Variants in RGS11 observed in about 807,000 individuals in gnomAD.
RGS11 encodes regulator of G protein signaling 11.
RGS11 carries 86 observed loss-of-function variants against 71.1 expected under a neutral mutation model. That is an observed-to-expected ratio of 1.21 (90% confidence interval 1.02 to 1.45). The LOEUF is 1.45. Ranked by LOEUF, RGS11 falls within the 40% of genes most tolerant of loss-of-function variation. The pLI is 0.00. For missense variants in RGS11, 734 were observed against 635.1 expected, an observed-to-expected ratio of 1.16 and a Z score of -1.67; for synonymous variants, 298 against 254.2, an observed-to-expected ratio of 1.17 and a Z score of -1.64.
chr16:273,745 A>G lies in RGS11; in HGVS notation c.506+15T>C, dbSNP rs746549134. Reference sequence around the variant, plus strand: ...TGGGCGCCTGCAGGCGGGGCGGGGCAGGGCGGGGCCTCACCTCAGCTGCTC... The same window carrying G: ...TGGGCGCCTGCAGGCGGGGCGGGGCGGGGCGGGGCCTCACCTCAGCTGCTC... On this transcript the variant is annotated intron_variant, in intron 7 of 16. Transcript: ENST00000397770. 1.6e-5 allele frequency: 26 copies of G among 1,601,798 alleles called. No homozygotes were observed. In the Middle Eastern group the frequency reaches 5.2e-4, roughly 32 times the overall value.
Position 269,257 on chromosome 16 carries a change from G to C in RGS11, c.*12C>G. 3 of 1,525,198 alleles carry C rather than the reference G, an allele frequency of 2.0e-6. No homozygotes were observed. Among genetic ancestry groups the C allele is most frequent in the Non-Finnish European group, 2.7e-6 (3 of 1,121,718 alleles). The allele number at this position is 1,525,198 out of a possible 1,614,324, so 94.5% of individuals were successfully genotyped here. On this transcript the variant is annotated 3_prime_UTR_variant, in exon 17 of 17. Transcript: ENST00000397770. ...AGCTGCAGGGACTAGAGTGGCAGAT[G>C]GGCCAGGTCCACTAGGCCACCCCAT...
In RGS11 at chr16:273,525, G is replaced by A; in HGVS notation, c.538C>T (p.Leu180=). The A allele has an allele frequency of 3.8e-6, 6 of 1,559,338 alleles. No individual in the cohort carries two copies. Among genetic ancestry groups the A allele is most frequent in the Non-Finnish European group, 5.2e-6 (6 of 1,151,796 alleles). ...GTCTGCTCCTGGCACGCAATGACCA[G>A]CCTGTCCCCCTTGCTGCGCTGCTTG... ...AAKQRSKGDR[L]VIACQEQTYW... is the part of the protein sequence containing the mutation. Residue 180 remains leucine, a synonymous_variant, in exon 8 of 17, where the codon CTG becomes TTG. Coordinates refer to ENST00000397770, the MANE Select transcript of RGS11 (RefSeq NM_183337.3).
chr16:275,884 C>CG lies in RGS11; in HGVS notation c.27dup (p.Gly10ArgfsTer84). 12 of 950,274 alleles carry CG rather than the reference C, an allele frequency of 1.3e-5. No individual in the cohort carries two copies. Among genetic ancestry groups the CG allele is most frequent in the African/African-American group, 3.6e-5 (2 of 55,898 alleles). 58.9% of individuals were successfully genotyped at this position (950,274 alleles called of 1,614,324 possible). A position where few individuals can be genotyped will look rare whatever the true frequency, so the allele number is the denominator to read the frequency against. ...TGCGGCATCTGCGCCCGGGGGCGGC[C>CG]GGGGGGCGGCGCGGGGCCGGCGGCC... On this transcript the variant is annotated frameshift_variant, in exon 1 of 17. Coordinates refer to ENST00000397770, the MANE Select transcript of RGS11 (RefSeq NM_183337.3). LOFTEE classifies it high-confidence loss of function.
In RGS11 at chr16:273,783, C is replaced by T; in HGVS notation, c.483G>A (p.Leu161=). 1 of 1,613,122 alleles carries T rather than the reference C, an allele frequency of 6.2e-7. No individual in the cohort carries two copies. The highest frequency in any genetic ancestry group is 8.5e-7 in the Non-Finnish European group (1 of 1,179,996). ...KKINHAWDLV[L]MQAREQLRAA... is the part of the protein sequence containing the mutation. Reference sequence around the variant, plus strand: ...ACCTCAGCTGCTCCCTCGCCTGCATCAGCACCAGGTCCCATGCGTGGTTGA... The same window carrying T: ...ACCTCAGCTGCTCCCTCGCCTGCATTAGCACCAGGTCCCATGCGTGGTTGA... The change falls in exon 7 of 17, where the codon CTG becomes CTA. Residue 161 remains leucine (L), a synonymous_variant. Coordinates refer to ENST00000397770, the MANE Select transcript of RGS11 (RefSeq NM_183337.3).
chr16:273,031 C>T (rs999679433), intron 8 of RGS11, 100 bp from the exon 9 acceptor site: 3 of 1,121,380 alleles, frequency 2.7e-6, no homozygotes, highest in African/African-American at 3.1e-5. Flanking sequence ...GAAACTGACA[C>T]TCAAAGGAAC....
chr16:268,912 T>A lies in RGS11; in HGVS notation c.*357A>T, dbSNP rs1390602386. 1 of 1,550,446 alleles carries A rather than the reference T, an allele frequency of 6.4e-7. No individual in the cohort carries two copies. The highest frequency in any genetic ancestry group is 2.0e-5 in the Admixed American group (1 of 50,984). On this transcript the variant is annotated 3_prime_UTR_variant, in exon 17 of 17. Coordinates refer to ENST00000397770, the MANE Select transcript of RGS11 (RefSeq NM_183337.3). Reference sequence around the variant, plus strand: ...TGCTTCCGGGTATTCGCTGGCTGATTTACTGGTTTTAGAGATGGGGATGGG... The same window carrying A: ...TGCTTCCGGGTATTCGCTGGCTGATATACTGGTTTTAGAGATGGGGATGGG...
chr16:273,131 G>C (rs2052010361), intron 8 of RGS11, among the ~76,000 whole-genome samples, 200 bp from the exon 9 acceptor site: 1 of 152,112 alleles, frequency 6.6e-6, no homozygotes, highest in Non-Finnish European at 1.5e-5. Context: ...CACAGCCCCA[G>C]CTGCTCCCGG....
intron 3 of RGS11, 55 bp from the exon 4 acceptor site, chr16:275,137 C>G (rs1024066691): frequency 3.3e-6 from 5 of 1,504,514 alleles, no homozygotes; most frequent in Non-Finnish European, 2.7e-6. Context: ...GAGGGCGGGA[C>G]GAGCCGGGCC....
intron 9 of RGS11, chr16:272,099 G>T (rs1011286404): frequency 5.7e-6 from 6 of 1,058,374 alleles, no homozygotes; most frequent in Middle Eastern, 8.8e-4. Flanking sequence ...GCCTCCCAAA[G>T]TGCTGGGATT....
In RGS11 at chr16:268,840, T is replaced by C; in HGVS notation, c.*429A>G. The C allele has an allele frequency of 6.4e-7, 1 of 1,550,406 alleles. No individual in the cohort carries two copies. On this transcript the variant is annotated 3_prime_UTR_variant, in exon 17 of 17. Transcript: ENST00000397770. Reference sequence around the variant, plus strand: ...CAGAGCTCGCGCCGAGACCTGCATGTCCGCGTCTTGTGACGGGTGTGTGGG... The same window carrying C: ...CAGAGCTCGCGCCGAGACCTGCATGCCCGCGTCTTGTGACGGGTGTGTGGG...
rs148468123 is a variant in RGS11, at chr16:273,794, C to T, written c.472G>A (p.Asp158Asn). The change falls in exon 7 of 17, where the codon GAC (aspartate) becomes AAC (asparagine). Residue 158 changes from aspartate to asparagine, a missense_variant. Transcript: ENST00000397770. ...TCCCTCGCCTGCATCAGCACCAGGT[C>T]CCATGCGTGGTTGATCTTCTTGTGT... ...RLHKKINHAW[D>N]LVLMQAREQL... 10 of 1,613,062 alleles carry T rather than the reference C, an allele frequency of 6.2e-6. No individual in the cohort carries two copies. In the African/African-American group the frequency reaches 1.3e-4, roughly 22 times the overall value.
intron 2 of RGS11, 29 bp from the exon 3 acceptor site, chr16:275,362 G>A (rs1299237592): frequency 1.2e-6 from 2 of 1,611,222 alleles, no homozygotes; most frequent in African/African-American, 2.7e-5. Flanking sequence ...GGTGGAGGGA[G>A]GCCGAGGCGC....
In RGS11 at chr16:274,252, C is replaced by T. The variant is rs145112941; in HGVS notation, c.332G>A (p.Trp111Ter). The part of the protein sequence containing the change: ...TPYRFQTPYF[W>*]TSTLRPAAEL... ...TGCAGCCGGCCTCAGGGTACTTGTCCAGAAGTACGGGGTCTGGCGTGGTGC... is the reference window on the plus strand; with the variant it reads ...TGCAGCCGGCCTCAGGGTACTTGTCTAGAAGTACGGGGTCTGGCGTGGTGC... Residue 111 changes from tryptophan to a stop codon, truncating the protein, a stop_gained, in exon 5 of 17, where the codon TGG becomes TAG. Coordinates refer to ENST00000397770, the MANE Select transcript of RGS11 (RefSeq NM_183337.3). LOFTEE classifies it high-confidence loss of function. 9.4e-5 allele frequency: 151 copies of T among 1,611,076 alleles called. No homozygotes were observed. In the African/African-American group the frequency reaches 1.2e-3, roughly 13 times the overall value.
chr16:273,050 A>C, intron 8 of RGS11, 119 bp from the exon 9 acceptor site: 2 of 953,714 alleles, frequency 2.1e-6, no homozygotes, highest in Non-Finnish European at 3.0e-6. Flanking sequence ...ACTCGGGAAG[A>C]GTCCCGACCT....
At chr16:273,969 C>T (rs1419872026) in intron 6 of RGS11, 74 bp downstream of exon 6, 3 of 1,489,692 alleles carry the variant, frequency 2.0e-6, no homozygotes, top group Non-Finnish European at 2.8e-6. Context: ...ACCGTGAAGC[C>T]CCGGGGGGCC....
rs553529200 is a variant in RGS11, at chr16:271,532, G to A, written c.687+8C>T. 1.4e-4 allele frequency: 218 copies of A among 1,614,022 alleles called. No individual in the cohort carries two copies. In the South Asian group the frequency reaches 1.4e-3, roughly 10 times the overall value. ...CTGGCACCCTCCACTCCCAGCTCCA[G>A]AACTTACCTCCCGCTTATGGAAATC... On this transcript the variant is annotated splice_region_variant and intron_variant, in intron 10 of 16. Coordinates refer to ENST00000397770, the MANE Select transcript of RGS11 (RefSeq NM_183337.3).
In RGS11 at chr16:273,724, C is replaced by T. The variant is rs561656788; in HGVS notation, c.506+36G>A. 27 of 1,597,048 alleles carry T rather than the reference C, an allele frequency of 1.7e-5. 1 individual carries two copies. The East Asian group carries it at 2.7e-4, about 16-fold the overall frequency. On this transcript the variant is annotated intron_variant, in intron 7 of 16. Transcript: ENST00000397770. ...GGCTTCCCGGGTAGCCTGGGTTGGG[C>T]GCCTGCAGGCGGGGCGGGGCAGGGC...
At position 271,471 on chromosome 16, in the gene RGS11, G is replaced by A. The variant is rs778919378; in HGVS notation, c.688-11C>T. ...CCTGAAGTACTCGATCTAGGATGTGGGGCCTGTGAGTCAGGTCCCGGGCTG... is the reference window on the plus strand; with the variant it reads ...CCTGAAGTACTCGATCTAGGATGTGAGGCCTGTGAGTCAGGTCCCGGGCTG... On this transcript the variant is annotated splice_polypyrimidine_tract_variant and intron_variant, in intron 10 of 16. Transcript: ENST00000397770. 2 of 1,613,944 alleles carry A rather than the reference G, an allele frequency of 1.2e-6. No individual in the cohort carries two copies. The highest frequency in any genetic ancestry group is 1.7e-6 in the Non-Finnish European group (2 of 1,180,016).
chr16:269,788 T>A lies in RGS11; in HGVS notation c.1207-203A>T, dbSNP rs1596883675. 13 of 547,658 alleles carry A rather than the reference T, an allele frequency of 2.4e-5. No individual in the cohort carries two copies. In the East Asian group the frequency reaches 3.9e-4, roughly 17 times the overall value. 33.9% of individuals were successfully genotyped at this position (547,658 alleles called of 1,614,324 possible). On this transcript the variant is annotated intron_variant, in intron 15 of 16. Transcript: ENST00000397770. ...TGGGCTCCCGTCTGCCTGGGCCATG[T>A]CGCAGCAAAAAATGGCAAGAGCCCT...
Sources: allele counts gnomAD v4.1 joint callset (sites outside exome capture counted in the v4.1 genomes callset), GRCh38; gene constraint gnomAD v4.1.1; transcripts MANE v1.5; gene names NCBI Gene and HGNC (gene_info 2026-07-23, HGNC 2026-07-21).